PID1: variants seen among roughly 807,000 people sequenced by gnomAD.
PID1 encodes the protein phosphotyrosine interaction domain containing 1.
In PID1, 10 loss-of-function variants were observed where a neutral mutation model predicts 19.1. The ratio of observed to expected loss-of-function variants is 0.52; its 90% CI spans 0.32 to 0.89. PID1 has a LOEUF of 0.89. Ranked by LOEUF, PID1 falls within the 40% of genes least tolerant of loss-of-function variation. The pLI is 0.03. For missense variants in PID1, 248 were observed against 285.3 expected (o/e 0.87, Z 0.94); for synonymous variants, 130 against 116.0 (o/e 1.12, Z -0.78).
At chr2:229,040,884 G>T (rs1173520231) in intron 2 of PID1, among the ~76,000 whole-genome samples, 1 of 152,186 alleles carries the variant, frequency 6.6e-6, no homozygotes, top group Non-Finnish European at 1.5e-5. Context: ...TATAGTAAAT[G>T]TTGAGAACCA....
chr2:229,032,724 G>T (rs976731858), intron 2 of PID1, among the ~76,000 whole-genome samples: 1 of 152,184 alleles, frequency 6.6e-6, no homozygotes, highest in African/African-American at 2.4e-5. Context: ...TATTACCAAT[G>T]AATCATTCTG....
At chr2:229,174,663 G>C (rs1032624884) in intron 1 of PID1, among the ~76,000 whole-genome samples, 1 of 142,192 alleles carries the variant, frequency 7.0e-6, no homozygotes, top group Non-Finnish European at 1.6e-5. Flanking sequence ...ATGGTACAGA[G>C]ATTTTTTTTG....
intron 1 of PID1, among the ~76,000 whole-genome samples, chr2:229,260,665 G>C (rs536458228): frequency 6.6e-6 from 1 of 151,778 alleles, no homozygotes; most frequent in East Asian, 1.9e-4. Context: ...GGGTAGAATT[G>C]GGAATTGGAA....
intron 2 of PID1, among the ~76,000 whole-genome samples, chr2:229,056,093 A>G (rs1574591248): frequency 1.3e-5 from 2 of 152,216 alleles, no homozygotes; most frequent in East Asian, 3.8e-4. Flanking sequence ...GTATCTATTC[A>G]TGGGTACTGT....
chr2:229,057,225 G>A (rs1003936094), intron 2 of PID1, among the ~76,000 whole-genome samples: 10 of 152,022 alleles, frequency 6.6e-5, no homozygotes, highest in Admixed American at 2.0e-4. Flanking sequence ...ATTACTTGAG[G>A]TCAGGAGTTC....
At position 229,178,374 on chromosome 2, in the gene PID1, A is replaced by G. The variant is rs1027331051; in HGVS notation, c.31-22410T>C. 2.6e-5 allele frequency among the ~76,000 whole-genome samples: 4 copies of G among 152,330 alleles called. No individual in the cohort carries two copies. The East Asian group carries it at 5.8e-4, about 22-fold the overall frequency. On this transcript the variant is annotated intron_variant, in intron 1 of 2. Transcript: ENST00000392055. Reference sequence around the variant, plus strand: ...TGGCAGGCGTTAGCAGTTGTCTAACAAAAACCTCCCCGTAAGCTCATGTCA... The same window carrying G: ...TGGCAGGCGTTAGCAGTTGTCTAACGAAAACCTCCCCGTAAGCTCATGTCA...
At chr2:229,124,499 G>C (rs1336938023) in intron 2 of PID1, among the ~76,000 whole-genome samples, 1 of 152,172 alleles carries the variant, frequency 6.6e-6, no homozygotes, top group Non-Finnish European at 1.5e-5. Context: ...GATTATATCT[G>C]TGGCAATAAA....
chr2:229,090,321 C>A (rs755316311), intron 2 of PID1, among the ~76,000 whole-genome samples: 1 of 152,176 alleles, frequency 6.6e-6, no homozygotes, highest in African/African-American at 2.4e-5. Context: ...TTAATTAATG[C>A]CATTTGATTA....
intron 2 of PID1, among the ~76,000 whole-genome samples, chr2:229,134,231 G>GATTTTTTTTT (rs1689808274): frequency 9.2e-6 from 1 of 109,220 alleles, no homozygotes; most frequent in Admixed American, 9.2e-5. Context: ...TACTACCTGT[G>GATTTTTTTTT]TTTTTTTTTT....
chr2:229,198,742 A>G (rs1418103686), intron 1 of PID1, among the ~76,000 whole-genome samples: 1 of 152,004 alleles, frequency 6.6e-6, no homozygotes, highest in Admixed American at 6.6e-5. Context: ...CTGGGTCTAT[A>G]TTCAAAACAT....
intron 2 of PID1, among the ~76,000 whole-genome samples, chr2:229,068,265 T>C (rs967017799): frequency 4.6e-5 from 7 of 152,116 alleles, no homozygotes; most frequent in Admixed American, 4.6e-4. Context: ...GCCTGGTGTG[T>C]TGGGAAAGTC....
chr2:229,107,804 C>G (rs1199326548), intron 2 of PID1, among the ~76,000 whole-genome samples: 1 of 152,170 alleles, frequency 6.6e-6, no homozygotes, highest in Non-Finnish European at 1.5e-5. Context: ...CATTGGCATC[C>G]CCTGGAAGCT....
rs1036180329 is a variant in PID1 at position 229,134,077 on chromosome 2, C to T, written c.177+21741G>A. On this transcript the variant is annotated intron_variant, in intron 2 of 2. Transcript: ENST00000392055. ...CAACCAAAAGTACCTCCAGACATTG[C>T]CAGATGTCCCCTGCGTGGGGACAAA... Among the ~76,000 whole-genome samples, 4 of 152,148 alleles carry T rather than the reference C, an allele frequency of 2.6e-5. No homozygotes were observed. The East Asian group carries it at 7.7e-4, about 29-fold the overall frequency.
chr2:229,106,546 T>C (rs1410640888), intron 2 of PID1, among the ~76,000 whole-genome samples: 2 of 152,186 alleles, frequency 1.3e-5, no homozygotes, highest in East Asian at 3.9e-4. Context: ...AGTGGGACCC[T>C]TATAAATGGG....
chr2:229,135,937 A>C (rs1559249531), intron 2 of PID1, among the ~76,000 whole-genome samples: 1 of 152,224 alleles, frequency 6.6e-6, no homozygotes, highest in East Asian at 1.9e-4. Flanking sequence ...GCTTCTGACA[A>C]TGTTAGGGTG....
intron 1 of PID1, among the ~76,000 whole-genome samples, chr2:229,171,376 G>C (rs138461133): frequency 6.6e-6 from 1 of 152,300 alleles, no homozygotes; most frequent in African/African-American, 2.4e-5. Flanking sequence ...ATGTCGCAAA[G>C]CCATCTATGG....
At chr2:229,107,262 A>G (rs1695196147) in intron 2 of PID1, among the ~76,000 whole-genome samples, 1 of 152,116 alleles carries the variant, frequency 6.6e-6, no homozygotes, top group African/African-American at 2.4e-5. Context: ...CTGTTGTTTT[A>G]AGCCACCAAG....
chr2:229,121,029 C>T (rs1208775009), intron 2 of PID1, among the ~76,000 whole-genome samples: 1 of 152,164 alleles, frequency 6.6e-6, no homozygotes, highest in Non-Finnish European at 1.5e-5. Context: ...TTGAACTTCC[C>T]AGCATGAAGA....
intron 1 of PID1, among the ~76,000 whole-genome samples, chr2:229,243,040 G>C (rs758132737): frequency 3.3e-5 from 5 of 152,004 alleles, no homozygotes; most frequent in Admixed American, 6.6e-5. Context: ...CCCAAGACTG[G>C]GCAATGTACA....
Sources: allele counts gnomAD v4.1 joint callset (sites outside exome capture counted in the v4.1 genomes callset), GRCh38; gene constraint gnomAD v4.1.1; transcripts MANE v1.5; gene names NCBI Gene and HGNC (gene_info 2026-07-23, HGNC 2026-07-21).